The following NECAB1 variants were observed in gnomAD, a reference collection of about 807,000 sequenced individuals.
The protein encoded by NECAB1 is N-terminal EF-hand calcium-binding protein 1.
In NECAB1, 29 loss-of-function variants were observed where a neutral mutation model predicts 57.5. The observed-to-expected ratio is 0.50, with a 90% CI of 0.38 to 0.69. The LOEUF (loss-of-function observed/expected upper bound fraction) is 0.69, where lower values mean the gene tolerates loss of function less well. NECAB1 is among the 30% of genes least tolerant of loss of function. NECAB1 has a pLI of 0.00. For synonymous variants in NECAB1, 142 were observed against 147.7 expected, an observed-to-expected ratio of 0.96 and a Z score of 0.28; for missense variants, 372 against 413.8, an observed-to-expected ratio of 0.90 and a Z score of 0.88.
At chr8:90,802,654 C>T (rs547179895) in intron 2 of NECAB1, among the ~76,000 whole-genome samples, 2 of 152,194 alleles carry the variant, frequency 1.3e-5, no homozygotes, top group African/African-American at 2.4e-5. Context: ...TACCCTTATG[C>T]GGGCAGATCA....
chr8:90,942,641 T>C (rs776068790), intron 10 of NECAB1, among the ~76,000 whole-genome samples: 2 of 152,194 alleles, frequency 1.3e-5, no homozygotes, highest in Admixed American at 1.3e-4. Flanking sequence ...CCCAGCACTT[T>C]GGGAGGCCGA....
In NECAB1 at chr8:90,955,372, T is replaced by C. The variant is rs563606313; in HGVS notation, c.1031-115T>C. 109 of 697,512 alleles carry C rather than the reference T, an allele frequency of 1.6e-4. No individual in the cohort carries two copies. The African/African-American group carries it at 1.6e-3, about 10-fold the overall frequency. The allele number at this position is 697,512 out of a possible 1,614,324, so 43.2% of individuals were successfully genotyped here. A position where few individuals can be genotyped will look rare whatever the true frequency, so the allele number is the denominator to read the frequency against. Reference sequence around the variant, plus strand: ...GGAAATGGTGACTAGAAAGATAAGTTATTATGCAGACTAAAGGTAAGGGGA... The same window carrying C: ...GGAAATGGTGACTAGAAAGATAAGTCATTATGCAGACTAAAGGTAAGGGGA... On this transcript the variant is annotated intron_variant, in intron 12 of 12. Transcript: ENST00000417640.
chr8:90,923,421 C>G (rs150465743), intron 6 of NECAB1, among the ~76,000 whole-genome samples: 6 of 152,160 alleles, frequency 3.9e-5, no homozygotes, highest in African/African-American at 1.4e-4. Flanking sequence ...TTTGAGGGAT[C>G]TGATTAATCC....
At chr8:90,951,023 C>A in intron 11 of NECAB1, 90 bp from the exon 12 acceptor site, 1 of 628,922 alleles carries the variant, frequency 1.6e-6, no homozygotes, top group Non-Finnish European at 2.5e-6. Context: ...TCATCCCAAA[C>A]TTTGCCATCT....
intron 3 of NECAB1, among the ~76,000 whole-genome samples, chr8:90,863,845 C>T (rs1287863806): frequency 1.3e-5 from 2 of 152,038 alleles, no homozygotes; most frequent in Non-Finnish European, 2.9e-5. Context: ...GAAATAGAAG[C>T]TAGTTTTTAT....
At chr8:90,917,870 A>ATATATATATATGTGTGTG (rs1554575432) in intron 6 of NECAB1, among the ~76,000 whole-genome samples, 8 of 64,330 alleles carry the variant, frequency 1.2e-4, no homozygotes, top group South Asian at 9.5e-4. Context: ...ATATATATAT[A>ATATATATATATGTGTGTG]TGTGTGTGTG....
At chr8:90,857,728 C>A (rs6471258) in intron 3 of NECAB1, among the ~76,000 whole-genome samples, 70,967 of 151,820 alleles carry the variant, frequency 0.47, 20,102 homozygotes, top group East Asian at 0.77. Flanking sequence ...CCTATATTAT[C>A]CCAGATATTC....
At chr8:90,915,188 A>G (rs1399919808) in intron 5 of NECAB1, among the ~76,000 whole-genome samples, 2 of 152,186 alleles carry the variant, frequency 1.3e-5, no homozygotes, top group Non-Finnish European at 2.9e-5. Context: ...CTGACTTTGC[A>G]ATTATATTTT....
intron 1 of NECAB1, among the ~76,000 whole-genome samples, chr8:90,800,514 C>A (rs1354824276): frequency 6.6e-6 from 1 of 152,226 alleles, no homozygotes; most frequent in East Asian, 1.9e-4. Context: ...CTAGTTTGTT[C>A]AGAGTTTTTA....
At chr8:90,801,418 G>C (rs954772964) in intron 1 of NECAB1, among the ~76,000 whole-genome samples, 1 of 152,134 alleles carries the variant, frequency 6.6e-6, no homozygotes, top group African/African-American at 2.4e-5. Context: ...CCAAGTTGTT[G>C]TGTGTATAAA....
At chr8:90,843,345 C>CT (rs1203097501) in intron 3 of NECAB1, among the ~76,000 whole-genome samples, 1 of 152,216 alleles carries the variant, frequency 6.6e-6, no homozygotes, top group East Asian at 1.9e-4. Flanking sequence ...TTGCTGGTCT[C>CT]TTTCCCCCCA....
intron 5 of NECAB1, among the ~76,000 whole-genome samples, chr8:90,904,699 AAAT>A (rs1809593205): frequency 1.3e-5 from 2 of 152,066 alleles, no homozygotes; most frequent in Non-Finnish European, 1.5e-5. Flanking sequence ...CAGAGAAGAC[AAAT>A]AATAAAAAAA....
chr8:90,942,323 G>A (rs528550961), intron 10 of NECAB1, among the ~76,000 whole-genome samples: 2 of 152,316 alleles, frequency 1.3e-5, no homozygotes, highest in East Asian at 3.9e-4. Context: ...TTTCCTGGTT[G>A]TCTGGGTGGC....
intron 3 of NECAB1, among the ~76,000 whole-genome samples, chr8:90,826,319 T>C (rs1200452958): frequency 6.6e-6 from 1 of 151,862 alleles, no homozygotes; most frequent in African/African-American, 2.4e-5. Flanking sequence ...TTCAACTTTA[T>C]CCTGAAGGCC....
At chr8:90,907,843 T>C (rs1809728217) in intron 5 of NECAB1, among the ~76,000 whole-genome samples, 1 of 152,176 alleles carries the variant, frequency 6.6e-6, no homozygotes, top group African/African-American at 2.4e-5. Context: ...ACCAGAATAT[T>C]TTGGTATTCT....
rs1310639488 is a variant in NECAB1 at position 90,907,147 on chromosome 8, T to TGA, written c.358-10344_358-10343insAG. Reference sequence around the variant, plus strand: ...TTGTGTGTGTGTGTGTGTGTGTGTGTGTGTGAGAGAGAGAGAGAGAGAGAG... The same window carrying TGA: ...TTGTGTGTGTGTGTGTGTGTGTGTGTGAGTGTGAGAGAGAGAGAGAGAGAGAG... On this transcript the variant is annotated intron_variant, in intron 5 of 12. Transcript: ENST00000417640. Among the ~76,000 whole-genome samples, 132 of 106,590 alleles carry TGA rather than the reference T, an allele frequency of 1.2e-3. 1 individual carries two copies. The highest frequency in any genetic ancestry group is 4.5e-3 in the African/African-American group (103 of 23,014). The allele number at this position is 106,590 out of a possible 152,430, so 69.9% of individuals were successfully genotyped here.
Position 90,957,049 on chromosome 8 carries a change from CTT to C in NECAB1, c.*1540_*1541del, listed in dbSNP as rs1811045956. On this transcript the variant is annotated 3_prime_UTR_variant, in exon 13 of 13. Transcript: ENST00000417640. ...CTGTGTAACAACACCTGGGTCAACT[CTT>C]TTAATTTATATACAAAGCAAAGAAC... 1 of 151,180 alleles carries C rather than the reference CTT, an allele frequency of 6.6e-6. No individual in the cohort carries two copies. Among genetic ancestry groups the C allele is most frequent in the Non-Finnish European group, 1.5e-5 (1 of 67,764 alleles). 9.4% of individuals were successfully genotyped at this position (151,180 alleles called of 1,614,324 possible). A position where few individuals can be genotyped will look rare whatever the true frequency, so the allele number is the denominator to read the frequency against.
intron 9 of NECAB1, among the ~76,000 whole-genome samples, chr8:90,939,610 A>C (rs192617075): frequency 1.7e-3 from 259 of 152,316 alleles, no homozygotes; most frequent in African/African-American, 6.1e-3. Context: ...CTGAGTTAGT[A>C]ATCACAAATG....
intron 3 of NECAB1, among the ~76,000 whole-genome samples, chr8:90,825,782 T>C (rs72662571): frequency 0.012 from 1,779 of 152,036 alleles, 11 homozygotes; most frequent in Middle Eastern, 0.027. Flanking sequence ...CTTGACTTCA[T>C]TGGGGTTTCA....
Sources: gnomAD v4.1 joint callset for allele counts (sites outside exome capture counted in the v4.1 genomes callset) on GRCh38, gnomAD v4.1.1 for gene constraint, MANE v1.5 for transcripts, NCBI Gene and HGNC (gene_info 2026-07-23, HGNC 2026-07-21) for gene names.